The following APBA2 variants were observed in gnomAD, a reference collection of about 807,000 sequenced individuals.
The protein encoded by APBA2 is amyloid beta precursor protein binding family A member 2.
Under a neutral mutation model 75.0 loss-of-function variants are expected in APBA2, and 30 were observed. That is an observed-to-expected ratio of 0.40 (90% CI 0.30 to 0.54). The LOEUF (loss-of-function observed/expected upper bound fraction) is 0.54, where lower values mean the gene tolerates loss of function less well. Among genes scored for constraint, APBA2 ranks in the 20% least tolerant of loss-of-function variants. The pLI, the probability that APBA2 is intolerant of heterozygous loss-of-function variation, is 0.49. For synonymous variants in APBA2, 444 were observed against 409.6 expected (o/e 1.08, Z -1.01); for missense variants, 801 against 1,016.1 (o/e 0.79, Z 2.88).
intron 2 of APBA2, among the ~76,000 whole-genome samples, chr15:28,946,216 T>G (rs544565273): frequency 6.6e-6 from 1 of 152,372 alleles, no homozygotes; most frequent in South Asian, 2.1e-4. Flanking sequence ...CCTGTAAATC[T>G]GTTACTTTAT....
chr15:29,114,055 C>A (rs2044900026), intron 14 of APBA2, 39 bp downstream of exon 14: 1 of 1,613,060 alleles, frequency 6.2e-7, no homozygotes, highest in Non-Finnish European at 8.5e-7. Context: ...CATGCCGGTT[C>A]CCACGTGCTC....
intron 3 of APBA2, among the ~76,000 whole-genome samples, chr15:29,030,653 C>G (rs1221235331): frequency 1.3e-5 from 2 of 151,788 alleles, no homozygotes; most frequent in Middle Eastern, 6.3e-3. Flanking sequence ...GTAGCCAGTA[C>G]AGATTCTTTG....
At chr15:28,930,231 A>G (rs1459202141) in intron 2 of APBA2, among the ~76,000 whole-genome samples, 2 of 152,022 alleles carry the variant, frequency 1.3e-5, no homozygotes, top group African/African-American at 2.4e-5. Context: ...AAGAAGGCCC[A>G]GTTTCAGGCT....
intron 3 of APBA2, among the ~76,000 whole-genome samples, chr15:29,047,681 G>A (rs1247205771): frequency 6.6e-6 from 1 of 152,132 alleles, no homozygotes; most frequent in Non-Finnish European, 1.5e-5. Context: ...GGAAGTGCAG[G>A]GCAGGGTAGT....
intron 9 of APBA2, among the ~76,000 whole-genome samples, chr15:29,100,340 C>CA (rs1427982009): frequency 1.3e-5 from 2 of 152,210 alleles, no homozygotes; most frequent in Non-Finnish European, 2.9e-5. Context: ...GAAAAAAAGT[C>CA]AGCAGCTGAG....
intron 1 of APBA2, among the ~76,000 whole-genome samples, chr15:28,906,720 T>G (rs771033740): frequency 2.0e-5 from 3 of 152,242 alleles, no homozygotes; most frequent in Non-Finnish European, 4.4e-5. Context: ...ATAGCTTATT[T>G]CATTTTGTAT....
At chr15:28,901,908 A>ATGTGTGTGTGTGTGTGTGTG (rs766260051) in intron 1 of APBA2, among the ~76,000 whole-genome samples, 7,525 of 67,312 alleles carry the variant, frequency 0.11, 1,489 homozygotes, top group Middle Eastern at 0.12. Flanking sequence ...GGAGCTTTTG[A>ATGTGTGTGTGTGTGTGTGTG]TGTGTGTGTG....
intron 1 of APBA2, among the ~76,000 whole-genome samples, chr15:28,903,447 G>A (rs1291388354): frequency 1.3e-5 from 2 of 152,206 alleles, no homozygotes; most frequent in Non-Finnish European, 2.9e-5. Flanking sequence ...AGAAAGGGTG[G>A]CCTGCTGGGG....
chr15:29,099,954 C>T (rs1394018641), intron 9 of APBA2, among the ~76,000 whole-genome samples: 1 of 152,238 alleles, frequency 6.6e-6, no homozygotes, highest in Non-Finnish European at 1.5e-5. Flanking sequence ...GTTCACTCCA[C>T]TGGCCCCTTC....
rs1300820816 is a variant in APBA2, at chr15:29,114,644, TGTGTGGGATGTGATGTATGA to T, written c.2178+636_2178+655del. The stretch of plus-strand genomic sequence containing the variant: ...ATGTGGATGTGTGAGAGCATGGGTG[TGTGTGGGATGTGATGTATGA>T]GTGTGGGTAAGTGTGGGTAGGTGTG... On this transcript the variant is annotated intron_variant, in intron 14 of 14. Coordinates refer to ENST00000683413, the MANE Select transcript of APBA2 (RefSeq NM_001353788.2). Among the ~76,000 whole-genome samples the T allele has an allele frequency of 6.1e-5, 9 of 148,724 alleles. No individual in the cohort carries two copies. The East Asian group carries it at 1.6e-3, about 27-fold the overall frequency.
At chr15:29,112,595 G>A (rs2044796182) in intron 13 of APBA2, among the ~76,000 whole-genome samples, 1 of 152,156 alleles carries the variant, frequency 6.6e-6, no homozygotes, top group African/African-American at 2.4e-5. Context: ...CTGCCTTGCG[G>A]TATGGAATCT....
At chr15:28,887,762 G>A (rs934293357) in intron 1 of APBA2, among the ~76,000 whole-genome samples, 1 of 152,188 alleles carries the variant, frequency 6.6e-6, no homozygotes, top group Non-Finnish European at 1.5e-5. Context: ...GTGGCTGTGT[G>A]CCGGCAGCCT....
rs899297612 is a variant in APBA2 at position 29,075,584 on chromosome 15, G to A, written c.1033-471G>A. 7.2e-5 allele frequency among the ~76,000 whole-genome samples: 11 copies of A among 152,294 alleles called. No homozygotes were observed. In the East Asian group the frequency reaches 1.9e-3, roughly 27 times the overall value. The stretch of plus-strand genomic sequence containing the variant: ...AACCACTGTTCTAAATCAACAACAG[G>A]TTTTAACAAACAATTTCCTATAAGC... On this transcript the variant is annotated intron_variant, in intron 5 of 14. Transcript: ENST00000683413.
chr15:28,893,672 A>G (rs1388095052), intron 1 of APBA2, among the ~76,000 whole-genome samples: 1 of 152,034 alleles, frequency 6.6e-6, no homozygotes, highest in African/African-American at 2.4e-5. Flanking sequence ...AGGTACTTGG[A>G]GAGGAGCGTG....
chr15:29,037,030 A>G (rs4779710), intron 3 of APBA2, among the ~76,000 whole-genome samples: 11,375 of 152,078 alleles, frequency 0.075, 1,423 homozygotes, highest in African/African-American at 0.26. Flanking sequence ...CAAAAAAAAA[A>G]AGAGAAAGTT....
chr15:28,992,467 A>G (rs1457040604), intron 2 of APBA2, among the ~76,000 whole-genome samples: 1 of 152,264 alleles, frequency 6.6e-6, no homozygotes, highest in African/African-American at 2.4e-5. Flanking sequence ...TACAGAGCCT[A>G]TGATGGCAGT....
intron 3 of APBA2, among the ~76,000 whole-genome samples, chr15:28,996,858 A>G (rs534370935): frequency 6.6e-6 from 1 of 152,298 alleles, no homozygotes; most frequent in African/African-American, 2.4e-5. Context: ...GGCAAGGAAC[A>G]CTTTGTGTGT....
At chr15:28,900,525 C>T (rs146645478) in intron 1 of APBA2, among the ~76,000 whole-genome samples, 16,374 of 152,186 alleles carry the variant, frequency 0.11, 2,939 homozygotes, top group African/African-American at 0.37. Flanking sequence ...GGGGCTGTCC[C>T]GACAGACTCT....
chr15:29,109,558 C>T (rs531625199), intron 13 of APBA2, among the ~76,000 whole-genome samples: 139 of 152,326 alleles, frequency 9.1e-4, no homozygotes, highest in African/African-American at 3.1e-3. Context: ...GGAAGAGAGG[C>T]AGCTCAGAAG....
Sources: allele counts gnomAD v4.1 joint callset (sites outside exome capture counted in the v4.1 genomes callset), GRCh38; gene constraint gnomAD v4.1.1; transcripts MANE v1.5; gene names NCBI Gene and HGNC (gene_info 2026-07-23, HGNC 2026-07-21).